KCNAB2: variants seen among roughly 807,000 people sequenced by gnomAD.
KCNAB2 encodes the protein potassium voltage-gated channel subfamily A regulatory beta subunit 2, also known as voltage-gated potassium channel subunit beta-2.
KCNAB2 carries 29 observed loss-of-function variants against 63.6 expected under a neutral mutation model. That is an observed-to-expected ratio of 0.46 (90% CI 0.34 to 0.62). The LOEUF is 0.62. Ranked by LOEUF, KCNAB2 falls within the 20% of genes least tolerant of loss-of-function variation. The pLI is 0.01. For synonymous variants in KCNAB2, 222 were observed against 224.2 expected (o/e 0.99, Z 0.09); for missense variants, 359 against 563.9 (o/e 0.64, Z 3.68).
chr1:6,038,256 G>A (rs1410297089), intron 1 of KCNAB2, among the ~76,000 whole-genome samples: 1 of 151,762 alleles, frequency 6.6e-6, no homozygotes, highest in African/African-American at 2.4e-5. Context: ...GCATAGTGCT[G>A]GATCTTCTCT....
At chr1:6,052,323 G>T (rs1661460915) in intron 2 of KCNAB2, among the ~76,000 whole-genome samples, 1 of 152,102 alleles carries the variant, frequency 6.6e-6, no homozygotes, top group Admixed American at 6.5e-5. Flanking sequence ...TACTTGGGAG[G>T]CTGAGGTGGG....
intron 1 of KCNAB2, among the ~76,000 whole-genome samples, chr1:6,019,678 G>A (rs1290854405): frequency 6.6e-6 from 1 of 152,230 alleles, no homozygotes; most frequent in African/African-American, 2.4e-5. Flanking sequence ...AGGCTGGCCT[G>A]TAAGGTTTGG....
chr1:6,002,627 C>A (rs1401399080), intron 1 of KCNAB2, among the ~76,000 whole-genome samples: 1 of 152,206 alleles, frequency 6.6e-6, no homozygotes, highest in Non-Finnish European at 1.5e-5. Flanking sequence ...GGAGGTAAAT[C>A]CTTTGAACTG....
upstream of KCNAB2, among the ~76,000 whole-genome samples, chr1:6,043,042 C>T (rs759579526): frequency 3.9e-5 from 6 of 152,096 alleles, no homozygotes; most frequent in Non-Finnish European, 5.9e-5. Context: ...ATCTGAACTC[C>T]GGCTTGCAAA....
At position 6,073,736 on chromosome 1, in the gene KCNAB2, C is replaced by A; in HGVS notation, c.266C>A (p.Thr89Lys). 6.2e-7 allele frequency: 1 copy of A among 1,614,232 alleles called. No homozygotes were observed. The highest frequency in any genetic ancestry group is 8.5e-7 in the Non-Finnish European group (1 of 1,180,020). Residue 89 changes from threonine (T) to lysine (K), a missense_variant, in exon 4 of 16, where the codon ACA becomes AAA. By Grantham distance (78) the Thr-to-Lys change is moderately conservative. Coordinates refer to ENST00000378083, the MANE Select transcript of KCNAB2 (RefSeq NM_001199862.2). This position sits in a 1 kb window ranked among gnomAD's most constrained non-coding sequence, Gnocchi z 5.7. ...GAGCCCCTGTGTCTCCTTCCAGGAA[C>A]ATGGGTGACCTTCGGAGGCCAGATC... ...GLRVSCLGLG[T>K]WVTFGGQITD...
intron 4 of KCNAB2, among the ~76,000 whole-genome samples, chr1:6,077,892 G>C (rs1663813259): frequency 6.6e-6 from 1 of 152,248 alleles, no homozygotes; most frequent in Admixed American, 6.5e-5. Flanking sequence ...TGTGGAGAGG[G>C]TGCGAGCTGC....
chr1:6,054,485 C>A (rs1412830786), intron 2 of KCNAB2, among the ~76,000 whole-genome samples: 1 of 152,110 alleles, frequency 6.6e-6, no homozygotes, highest in Non-Finnish European at 1.5e-5. Flanking sequence ...CAAAAATTAA[C>A]CAGTCGTGGT....
chr1:6,075,995 T>C (rs571744818), intron 4 of KCNAB2, among the ~76,000 whole-genome samples: 33 of 152,374 alleles, frequency 2.2e-4, no homozygotes, highest in African/African-American at 7.2e-4. Context: ...TTACACATAG[T>C]GGCTGCTTTC....
At chr1:6,089,142 C>A (rs200731377) in intron 8 of KCNAB2, 91 bp downstream of exon 8, 5 of 1,355,276 alleles carry the variant, frequency 3.7e-6, no homozygotes, top group South Asian at 1.2e-5. Flanking sequence ...CCGACCCCCC[C>A]AGTTAACCCA....
chr1:6,095,295 C>A, intron 11 of KCNAB2, 28 bp from the exon 12 acceptor site: 8 of 1,596,910 alleles, frequency 5.0e-6, no homozygotes, highest in Non-Finnish European at 6.8e-6. Flanking sequence ...CAGGCAAGGG[C>A]CCTCGGGGTC....
In KCNAB2 at chr1:6,008,907, G is replaced by A. The variant is rs1268914312; in HGVS notation, c.-53+16119G>A. On this transcript the variant is annotated intron_variant, in intron 1 of 16. Transcript: ENST00000341524. ...ATGTCTGAAGCCTCTGGCCTGGGCG[G>A]AGAGTGAGACCCCAGAGCAGCCCTG... Among the ~76,000 whole-genome samples the A allele has an allele frequency of 1.3e-5, 2 of 152,202 alleles. 1 individual carries two copies. The highest frequency in any genetic ancestry group is 4.8e-5 in the African/African-American group (2 of 41,446).
intron 4 of KCNAB2, 151 bp from the exon 5 acceptor site, chr1:6,082,044 G>T: frequency 3.1e-6 from 2 of 642,046 alleles, no homozygotes; most frequent in Non-Finnish European, 5.6e-6. Flanking sequence ...TGTGGCAGGA[G>T]AGGGCAAGGA....
Position 6,086,466 on chromosome 1 carries a change from C to T in KCNAB2, c.426-1001C>T, listed in dbSNP as rs756204358. On this transcript the variant is annotated intron_variant, in intron 6 of 15. Transcript: ENST00000378083. This position sits in a 1 kb window ranked among gnomAD's most constrained non-coding sequence, Gnocchi z 4.2. ...GCTGCCTCTGCCAGAGCTCTGTGGCCGATGCTTCGGGGCAGAGGAGGCCTC... is the reference window on the plus strand; with the variant it reads ...GCTGCCTCTGCCAGAGCTCTGTGGCTGATGCTTCGGGGCAGAGGAGGCCTC... The T allele has an allele frequency of 6.0e-6, 5 of 837,070 alleles. No individual in the cohort carries two copies. Among genetic ancestry groups the T allele is most frequent in the Admixed American group, 6.2e-5 (1 of 16,066 alleles). The allele number at this position is 837,070 out of a possible 1,614,324, so 51.9% of individuals were successfully genotyped here. A position where few individuals can be genotyped will look rare whatever the true frequency, so the allele number is the denominator to read the frequency against.
intron 4 of KCNAB2, among the ~76,000 whole-genome samples, chr1:6,081,767 C>G (rs1255679008): frequency 6.6e-6 from 1 of 152,112 alleles, no homozygotes; most frequent in African/African-American, 2.4e-5. Context: ...GGTGTAGGAC[C>G]CACCCTAACA....
intron 1 of KCNAB2, among the ~76,000 whole-genome samples, chr1:5,993,141 C>A (rs1054842163): frequency 1.3e-5 from 2 of 151,428 alleles, no homozygotes; most frequent in African/African-American, 4.9e-5. Context: ...TCGCCCTCCC[C>A]TTTCCTCCAT....
chr1:6,009,382 G>T (rs1345969146), intron 1 of KCNAB2, among the ~76,000 whole-genome samples: 1 of 152,190 alleles, frequency 6.6e-6, no homozygotes, highest in Non-Finnish European at 1.5e-5. Context: ...AGGGGGCCCG[G>T]TGGTGTCCGT....
At chr1:6,079,656 G>A (rs1664031232) in intron 4 of KCNAB2, among the ~76,000 whole-genome samples, 1 of 152,172 alleles carries the variant, frequency 6.6e-6, no homozygotes, top group Admixed American at 6.5e-5. Flanking sequence ...TTTGTCTAAG[G>A]TGCCTAGAGT....
At chr1:6,016,211 A>C (rs1658485224) in intron 1 of KCNAB2, among the ~76,000 whole-genome samples, 1 of 152,122 alleles carries the variant, frequency 6.6e-6, no homozygotes, top group Non-Finnish European at 1.5e-5. Context: ...GAGGCTTCCC[A>C]CGGACTCCCA....
In KCNAB2 at chr1:6,096,986, T is replaced by A. The variant is rs1311969287; in HGVS notation, c.1069+230T>A. On this transcript the variant is annotated intron_variant, in intron 14 of 15. Transcript: ENST00000378083. The surrounding 1 kb of genome is among the most constrained non-coding windows in gnomAD (Gnocchi z 5.9). The stretch of plus-strand genomic sequence containing the variant: ...GTCCCTGAGGACCTGGGCCACCCCC[T>A]CCATCTGCCAGCCATAGGTAATGGG... 2.0e-5 allele frequency among the ~76,000 whole-genome samples: 3 copies of A among 152,096 alleles called. No individual in the cohort carries two copies. The highest frequency in any genetic ancestry group is 7.2e-5 in the African/African-American group (3 of 41,404).
Sources: gnomAD v4.1 joint callset for allele counts (sites outside exome capture counted in the v4.1 genomes callset) on GRCh38, gnomAD v4.1.1 for gene constraint, Gnocchi (gnomAD v3.1) non-coding constraint, MANE v1.5 for transcripts, NCBI Gene and HGNC (gene_info 2026-07-23, HGNC 2026-07-21) for gene names.